Variants in KCNJ3 observed in about 807,000 individuals in gnomAD.
The protein encoded by KCNJ3 is potassium inwardly rectifying channel subfamily J member 3.
KCNJ3 carries 4 observed loss-of-function variants against 39.2 expected under a neutral mutation model. That is an observed-to-expected ratio of 0.10 (90% CI 0.05 to 0.23). The LOEUF is 0.23. Among genes scored for constraint, KCNJ3 ranks in the 10% least tolerant of loss-of-function variants. The pLI, the probability that KCNJ3 is intolerant of heterozygous loss-of-function variation, is 1.00. For missense variants in KCNJ3, 276 were observed against 634.9 expected, an observed-to-expected ratio of 0.43 and a Z score of 6.08; for synonymous variants, 230 against 237.4, an observed-to-expected ratio of 0.97 and a Z score of 0.29.
intron 2 of KCNJ3, among the ~76,000 whole-genome samples, chr2:154,759,940 T>A: frequency 6.6e-6 from 1 of 152,178 alleles, no homozygotes; most frequent in East Asian, 1.9e-4. Flanking sequence ...GAAATCTGTA[T>A]CATTTTAGAT....
At position 154,738,788 on chromosome 2, in the gene KCNJ3, CA is replaced by C. The variant is rs959269509; in HGVS notation, c.919+28976del. On this transcript the variant is annotated intron_variant, in intron 2 of 2. Coordinates refer to ENST00000295101, the MANE Select transcript of KCNJ3 (RefSeq NM_002239.4). ...GCTGTAAACAGCAAGGACTATCTTT[CA>C]AAAAAAGAAGGTGCAATTAAGCAAT... Among the ~76,000 whole-genome samples, 4 of 151,336 alleles carry C rather than the reference CA, an allele frequency of 2.6e-5. No individual in the cohort carries two copies. In the East Asian group the frequency reaches 7.8e-4, roughly 29 times the overall value.
intron 2 of KCNJ3, among the ~76,000 whole-genome samples, chr2:154,808,281 A>G (rs183212285): frequency 1.3e-4 from 20 of 151,912 alleles, no homozygotes; most frequent in African/African-American, 4.8e-4. Context: ...GCGTTTCACC[A>G]TGTTGGCTAG....
intron 2 of KCNJ3, among the ~76,000 whole-genome samples, chr2:154,780,091 G>A (rs1411852197): frequency 6.6e-6 from 1 of 152,160 alleles, no homozygotes; most frequent in Non-Finnish European, 1.5e-5. Flanking sequence ...CCTTGGAAAG[G>A]TCAGGAAATA....
intron 2 of KCNJ3, among the ~76,000 whole-genome samples, chr2:154,805,738 A>G (rs1387201689): frequency 6.6e-6 from 1 of 152,202 alleles, no homozygotes. Context: ...AAGAATGTGC[A>G]TATATCACAC....
intron 2 of KCNJ3, among the ~76,000 whole-genome samples, chr2:154,781,027 T>C (rs1275920736): frequency 6.6e-6 from 1 of 152,162 alleles, no homozygotes; most frequent in African/African-American, 2.4e-5. Context: ...CAGTTGGTCC[T>C]TAAATGAGGA....
intron 1 of KCNJ3, among the ~76,000 whole-genome samples, chr2:154,700,532 C>T (rs963596024): frequency 2.0e-5 from 3 of 151,942 alleles, no homozygotes; most frequent in South Asian, 4.2e-4. Flanking sequence ...ATAAATAGTT[C>T]GTACAATGAA....
At chr2:154,784,142 A>G (rs1447138873) in intron 2 of KCNJ3, among the ~76,000 whole-genome samples, 1 of 152,214 alleles carries the variant, frequency 6.6e-6, no homozygotes, top group Non-Finnish European at 1.5e-5. Flanking sequence ...GTGAATTGAT[A>G]ATGTTAACTC....
chr2:154,719,735 T>C (rs1685235930), intron 2 of KCNJ3, among the ~76,000 whole-genome samples: 1 of 152,174 alleles, frequency 6.6e-6, no homozygotes, highest in South Asian at 2.1e-4. Flanking sequence ...CACTGGCTGT[T>C]AGTCATTTAA....
chr2:154,835,865 G>A (rs557123605), intron 2 of KCNJ3, among the ~76,000 whole-genome samples: 1 of 151,996 alleles, frequency 6.6e-6, no homozygotes, highest in African/African-American at 2.4e-5. Context: ...TTTTCTGAAA[G>A]GTCACCAGAC....
At chr2:154,726,538 G>A (rs974297130) in intron 2 of KCNJ3, among the ~76,000 whole-genome samples, 1 of 152,068 alleles carries the variant, frequency 6.6e-6, no homozygotes, top group Non-Finnish European at 1.5e-5. Context: ...CAACCACTAT[G>A]GAAAACAGTA....
At chr2:154,745,984 G>A (rs944349700) in intron 2 of KCNJ3, among the ~76,000 whole-genome samples, 1 of 151,672 alleles carries the variant, frequency 6.6e-6, no homozygotes, top group Admixed American at 6.6e-5. Context: ...GTGTAGAAAT[G>A]CCACACTACT....
intron 2 of KCNJ3, among the ~76,000 whole-genome samples, chr2:154,799,245 C>A (rs187722118): frequency 1.3e-5 from 2 of 152,248 alleles, no homozygotes; most frequent in East Asian, 3.9e-4. Context: ...GATTCCTATG[C>A]CTCAGCCTCC....
intron 2 of KCNJ3, among the ~76,000 whole-genome samples, chr2:154,731,721 A>AAAC (rs397735452): frequency 6.6e-6 from 1 of 151,598 alleles, no homozygotes; most frequent in Non-Finnish European, 1.5e-5. Context: ...TGGAAAAAAA[A>AAAC]AGAGAGACAC....
chr2:154,736,834 G>GT (rs377454782), intron 2 of KCNJ3, among the ~76,000 whole-genome samples: 8 of 151,576 alleles, frequency 5.3e-5, no homozygotes, highest in African/African-American at 1.9e-4. Flanking sequence ...AACAAATGAG[G>GT]TAAGACCTAA....
At chr2:154,844,156 A>G (rs970214877) in intron 2 of KCNJ3, among the ~76,000 whole-genome samples, 1 of 151,594 alleles carries the variant, frequency 6.6e-6, no homozygotes, top group East Asian at 1.9e-4. Context: ...GTTGATGTTG[A>G]TGCTATTCCT....
At chr2:154,708,266 A>G (rs1685047097) in intron 1 of KCNJ3, among the ~76,000 whole-genome samples, 1 of 152,168 alleles carries the variant, frequency 6.6e-6, no homozygotes, top group Non-Finnish European at 1.5e-5. Flanking sequence ...TCTTTGCAAC[A>G]ATTGCTGCCA....
chr2:154,839,421 A>G (rs543586950), intron 2 of KCNJ3, among the ~76,000 whole-genome samples: 9 of 152,328 alleles, frequency 5.9e-5, no homozygotes, highest in Admixed American at 3.9e-4. Flanking sequence ...TTATAGTAGC[A>G]TGGTTTATAA....
chr2:154,802,773 G>A (rs1686841898), intron 2 of KCNJ3, among the ~76,000 whole-genome samples: 1 of 152,042 alleles, frequency 6.6e-6, no homozygotes, highest in Non-Finnish European at 1.5e-5. Flanking sequence ...GAGATACATA[G>A]CAGCACAGCC....
intron 2 of KCNJ3, among the ~76,000 whole-genome samples, chr2:154,802,595 A>T (rs755911013): frequency 2.0e-5 from 3 of 152,190 alleles, no homozygotes; most frequent in Admixed American, 6.5e-5. Flanking sequence ...TTTGCATGAT[A>T]CATATGCATA....
Sources: gnomAD v4.1 joint callset for allele counts (sites outside exome capture counted in the v4.1 genomes callset) on GRCh38, gnomAD v4.1.1 for gene constraint, MANE v1.5 for transcripts, NCBI Gene and HGNC (gene_info 2026-07-23, HGNC 2026-07-21) for gene names.